OLFML2A: variants seen among roughly 807,000 people sequenced by gnomAD.
OLFML2A encodes olfactomedin like 2A, also known as olfactomedin-like protein 2A.
A neutral mutation model predicts 60.9 loss-of-function variants in OLFML2A; 47 were observed. The ratio of observed to expected loss-of-function variants is 0.77; its 90% CI spans 0.61 to 0.98. The LOEUF (loss-of-function observed/expected upper bound fraction) is 0.98, where lower values mean the gene tolerates loss of function less well. Among genes scored for constraint, OLFML2A ranks in the 50% least tolerant of loss-of-function variants. The pLI is 0.00. For synonymous variants in OLFML2A, 372 were observed against 375.0 expected (o/e 0.99, Z 0.09); for missense variants, 922 against 879.8 (o/e 1.05, Z -0.61).
At chr9:124,808,315 C>T (rs902576131) in intron 7 of OLFML2A, among the ~76,000 whole-genome samples, 8 of 152,170 alleles carry the variant, frequency 5.3e-5, no homozygotes, top group African/African-American at 1.9e-4. Context: ...CCCCGTGTAT[C>T]AGCTCTTGGT....
At chr9:124,783,764 C>T (rs1841405189) in intron 1 of OLFML2A, among the ~76,000 whole-genome samples, 1 of 152,150 alleles carries the variant, frequency 6.6e-6, no homozygotes, top group East Asian at 1.9e-4. Flanking sequence ...GTTATGAAGA[C>T]ATAGCAGGAA....
At position 124,779,869 on chromosome 9, in the gene OLFML2A, C is replaced by G. The variant is rs73585462; in HGVS notation, c.90+2509C>G. ...TCCCTGGGGTGGAGGATGAGCCCTT[C>G]GGAGGGCCAGCCTGGGACTTGAAGT... is the stretch of plus-strand genomic sequence containing the variant. On this transcript the variant is annotated intron_variant, in intron 1 of 7. Coordinates refer to ENST00000373580, the MANE Select transcript of OLFML2A (RefSeq NM_182487.4). This position sits in a 1 kb window ranked among gnomAD's most constrained non-coding sequence, Gnocchi z 4.1. Among the ~76,000 whole-genome samples, 1 of 152,164 alleles carries G rather than the reference C, an allele frequency of 6.6e-6. No homozygotes were observed. The highest frequency in any genetic ancestry group is 1.5e-5 in the Non-Finnish European group (1 of 68,030).
intron 2 of OLFML2A, 33 bp from the exon 3 acceptor site, chr9:124,794,991 C>A: frequency 7.4e-7 from 1 of 1,356,300 alleles, no homozygotes; most frequent in Non-Finnish European, 1.0e-6. Context: ...ATGTGCTGCA[C>A]TCTTTGCCTA....
At chr9:124,780,545 C>T (rs963394254) in intron 1 of OLFML2A, among the ~76,000 whole-genome samples, 2 of 152,208 alleles carry the variant, frequency 1.3e-5, no homozygotes, top group African/African-American at 4.8e-5. Flanking sequence ...GCCTCCGCTC[C>T]GGGAGTTTCC....
Position 124,810,810 on chromosome 9 carries a change from C to T in OLFML2A, c.*398C>T, listed in dbSNP as rs80264511. On this transcript the variant is annotated 3_prime_UTR_variant, in exon 8 of 8. Transcript: ENST00000373580. Reference sequence around the variant, plus strand: ...GAGACTTCACCACGCCCTCCCCTCCCTGCCCTCCCCCATCTCCCCGGTCTC... The same window carrying T: ...GAGACTTCACCACGCCCTCCCCTCCTTGCCCTCCCCCATCTCCCCGGTCTC... 1.9e-3 allele frequency: 255 copies of T among 132,262 alleles called. 3 individuals carry two copies. The East Asian group carries it at 0.043, about 22-fold the overall frequency. The allele number at this position is 132,262 out of a possible 1,614,324, so 8.2% of individuals were successfully genotyped here. A position where few individuals can be genotyped will look rare whatever the true frequency, so the allele number is the denominator to read the frequency against.
chr9:124,796,962 A>G (rs1001393681), intron 3 of OLFML2A, among the ~76,000 whole-genome samples: 2 of 152,198 alleles, frequency 1.3e-5, no homozygotes, highest in Non-Finnish European at 2.9e-5. Flanking sequence ...AAAATCTGTC[A>G]TACACTTTGA....
Position 124,807,939 on chromosome 9 carries a change from T to C in OLFML2A, c.1327T>C (p.Phe443Leu). Residue 443 changes from phenylalanine to leucine, a missense_variant, in exon 7 of 8, where the codon TTC (phenylalanine) becomes CTC (leucine). Coordinates refer to ENST00000373580, the MANE Select transcript of OLFML2A (RefSeq NM_182487.4). ...NYYYGNSLVEFRNLENFKQGR... is the reference protein window; with the variant it reads ...NYYYGNSLVELRNLENFKQGR... ...CTACTATGGAAACAGCCTGGTGGAG[T>C]TCCGCAACCTGGAAAACTTCAAGCA... 3 of 1,613,880 alleles carry C rather than the reference T, an allele frequency of 1.9e-6. No homozygotes were observed. The highest frequency in any genetic ancestry group is 1.7e-6 in the Non-Finnish European group (2 of 1,179,902).
chr9:124,792,076 G>A lies in OLFML2A; in HGVS notation c.355-2948G>A, dbSNP rs148411774. On this transcript the variant is annotated intron_variant, in intron 2 of 7. Coordinates refer to ENST00000373580, the MANE Select transcript of OLFML2A (RefSeq NM_182487.4). Reference sequence around the variant, plus strand: ...AATTAGTGCTCCTCCTACAGAGCTCGGACTGAACAAAACTTCCTCCTGGCA... The same window carrying A: ...AATTAGTGCTCCTCCTACAGAGCTCAGACTGAACAAAACTTCCTCCTGGCA... Among the ~76,000 whole-genome samples, 450 of 152,268 alleles carry A rather than the reference G, an allele frequency of 3.0e-3. 2 individuals carry two copies. Among genetic ancestry groups the A allele is most frequent in the African/African-American group, 0.01 (426 of 41,544 alleles).
At position 124,804,265 on chromosome 9, in the gene OLFML2A, C is replaced by T. The variant is rs776259571; in HGVS notation, c.1091C>T (p.Thr364Ile). 28 of 1,598,274 alleles carry T rather than the reference C, an allele frequency of 1.8e-5. No homozygotes were observed. The highest frequency in any genetic ancestry group is 7.9e-5 in the South Asian group (7 of 88,882). ...ACTTCAATCCCTGCCACCACCACCA[C>T]CGCCACCACCACCCCAACCCCCACC... ...TPTSIPATTT[T>I]ATTTPTPTTS... is the part of the protein sequence containing the mutation. The change falls in exon 6 of 8, where the codon ACC (threonine) becomes ATC (isoleucine). Residue 364 changes from threonine to isoleucine, a missense_variant. Thr to Ile is a moderately conservative substitution (Grantham distance 89). Coordinates refer to ENST00000373580, the MANE Select transcript of OLFML2A (RefSeq NM_182487.4).
intron 2 of OLFML2A, among the ~76,000 whole-genome samples, chr9:124,793,854 C>T (rs1841612790): frequency 1.3e-5 from 2 of 152,104 alleles, no homozygotes; most frequent in African/African-American, 4.8e-5. Flanking sequence ...GCTGGAATAA[C>T]GTAGTAAGAT....
Position 124,804,362 on chromosome 9 carries a change from G to C in OLFML2A, c.1168+20G>C. The C allele has an allele frequency of 6.5e-7, 1 of 1,529,034 alleles. No homozygotes were observed. The highest frequency in any genetic ancestry group is 1.4e-5 in the African/African-American group (1 of 72,462). 94.7% of individuals were successfully genotyped at this position (1,529,034 alleles called of 1,614,324 possible). ...GCCAAGGTGAGTGAGCCTCACAGGA[G>C]TCAGCACACTGTAGCCTGTGCCCAA... On this transcript the variant is annotated intron_variant, in intron 6 of 7. Coordinates refer to ENST00000373580, the MANE Select transcript of OLFML2A (RefSeq NM_182487.4).
At chr9:124,799,070 A>AT (rs1338023574) in intron 3 of OLFML2A, among the ~76,000 whole-genome samples, 7 of 152,122 alleles carry the variant, frequency 4.6e-5, no homozygotes, top group Admixed American at 6.6e-5. Flanking sequence ...TGTATTATCT[A>AT]TTTTTTTAAT....
Position 124,797,582 on chromosome 9 carries a change from A to C in OLFML2A, c.463-1703A>C, listed in dbSNP as rs956645631. ...TTTTCCTCTGTAACAATTTCTACAAATGAAATTCTGGACCCATAATTCTGT... is the reference window on the plus strand; with the variant it reads ...TTTTCCTCTGTAACAATTTCTACAACTGAAATTCTGGACCCATAATTCTGT... On this transcript the variant is annotated intron_variant, in intron 3 of 7. Transcript: ENST00000373580. 1.1e-4 allele frequency among the ~76,000 whole-genome samples: 16 copies of C among 152,340 alleles called. 1 individual carries two copies. The highest frequency in any genetic ancestry group is 3.6e-4 in the African/African-American group (15 of 41,576).
chr9:124,777,375 C>T lies in OLFML2A; in HGVS notation c.90+15C>T, dbSNP rs563580610. ...CCGACAGTAAGGTACGCACGCCCCT[C>T]GGACCCGCGCGGCTCGGCGGGTAGC... is the stretch of plus-strand genomic sequence containing the variant. On this transcript the variant is annotated intron_variant, in intron 1 of 7. Coordinates refer to ENST00000373580, the MANE Select transcript of OLFML2A (RefSeq NM_182487.4). This position sits in a 1 kb window ranked among gnomAD's most constrained non-coding sequence, Gnocchi z 6.2. 93 of 1,241,546 alleles carry T rather than the reference C, an allele frequency of 7.5e-5. No homozygotes were observed. In the East Asian group the frequency reaches 2.6e-3, roughly 35 times the overall value. 76.9% of individuals were successfully genotyped at this position (1,241,546 alleles called of 1,614,324 possible).
Position 124,803,200 on chromosome 9 carries a change from C to T in OLFML2A, c.920-894C>T, listed in dbSNP as rs537746091. On this transcript the variant is annotated intron_variant, in intron 5 of 7. Transcript: ENST00000373580. Reference sequence around the variant, plus strand: ...CTGGGATTACAGGCATGAGCCACCGCGCCCGGCCGGTGTCACAAAAGTGTA... The same window carrying T: ...CTGGGATTACAGGCATGAGCCACCGTGCCCGGCCGGTGTCACAAAAGTGTA... Among the ~76,000 whole-genome samples the T allele has an allele frequency of 2.7e-4, 41 of 152,254 alleles. No homozygotes were observed. The South Asian group carries it at 7.0e-3, about 26-fold the overall frequency.
chr9:124,789,368 G>A (rs1841533691), intron 2 of OLFML2A, among the ~76,000 whole-genome samples: 1 of 152,182 alleles, frequency 6.6e-6, no homozygotes, highest in African/African-American at 2.4e-5. Context: ...TTTCATGGAA[G>A]CTGGCAGAAG....
chr9:124,781,250 T>C (rs1841356726), intron 1 of OLFML2A, among the ~76,000 whole-genome samples: 1 of 151,618 alleles, frequency 6.6e-6, no homozygotes, highest in African/African-American at 2.4e-5. Context: ...GGATGAAGGG[T>C]CAGAAGAACA....
intron 2 of OLFML2A, among the ~76,000 whole-genome samples, chr9:124,788,335 C>T (rs1242350804): frequency 6.6e-6 from 1 of 150,438 alleles, no homozygotes; most frequent in Non-Finnish European, 1.5e-5. Flanking sequence ...AGGCCGGGTG[C>T]AGTGGCTCAT....
intron 4 of OLFML2A, chr9:124,801,148 G>A: frequency 3.2e-6 from 4 of 1,245,516 alleles, no homozygotes; most frequent in Non-Finnish European, 4.5e-6. Flanking sequence ...TTGGACAGGA[G>A]TTGAGAAGTG....
Sources: allele counts gnomAD v4.1 joint callset (sites outside exome capture counted in the v4.1 genomes callset), GRCh38; gene constraint gnomAD v4.1.1; non-coding constraint Gnocchi (gnomAD v3.1); transcripts MANE v1.5; gene names NCBI Gene and HGNC (gene_info 2026-07-23, HGNC 2026-07-21).